Variants in BNC2 observed in about 807,000 individuals in gnomAD.
BNC2 encodes basonuclin zinc finger protein 2, also known as zinc finger protein basonuclin-2.
BNC2 carries 20 observed loss-of-function variants against 76.3 expected under a neutral mutation model. The observed-to-expected ratio is 0.26, with a 90% CI of 0.18 to 0.38. BNC2 has a LOEUF of 0.38. Among genes scored for constraint, BNC2 ranks in the 10% least tolerant of loss-of-function variants. BNC2 has a pLI of 1.00. For missense variants in BNC2, 1,382 were observed against 1,399.8 expected (o/e 0.99, Z 0.20); for synonymous variants, 582 against 514.8 (o/e 1.13, Z -1.77).
At chr9:16,786,135 T>C (rs1252966452) in intron 1 of BNC2, among the ~76,000 whole-genome samples, 1 of 152,176 alleles carries the variant, frequency 6.6e-6, no homozygotes, top group Non-Finnish European at 1.5e-5. Flanking sequence ...ATTACTCTTC[T>C]AAGAATCTCA....
At chr9:16,756,850 G>T (rs544679716) in intron 1 of BNC2, among the ~76,000 whole-genome samples, 61 of 152,018 alleles carry the variant, frequency 4.0e-4, no homozygotes, top group Non-Finnish European at 8.5e-4. Flanking sequence ...AATTAACCGG[G>T]CATGGTGGCA....
At chr9:16,499,019 A>G (rs893905880) in intron 5 of BNC2, among the ~76,000 whole-genome samples, 1 of 151,262 alleles carries the variant, frequency 6.6e-6, no homozygotes, top group East Asian at 1.9e-4. Context: ...CAATTACTAT[A>G]CCTGCCATAA....
At chr9:16,859,789 T>A (rs1444537608) in intron 1 of BNC2, among the ~76,000 whole-genome samples, 1 of 152,196 alleles carries the variant, frequency 6.6e-6, no homozygotes. Flanking sequence ...TGCTGTACGT[T>A]AAGTTACAGA....
In BNC2 at chr9:16,844,493, CTTTT is replaced by C. The variant is rs67281132; in HGVS notation, c.3+26149_3+26152del. ...GTATTTTTACGAATATTTTTCTTTT[CTTTT>C]TTTTTTTTTTTTTTTTTTGAGACGG... On this transcript the variant is annotated intron_variant, in intron 1 of 6. Transcript: ENST00000380672. Among the ~76,000 whole-genome samples, 4 of 103,362 alleles carry C rather than the reference CTTTT, an allele frequency of 3.9e-5. 1 individual carries two copies. Among genetic ancestry groups the C allele is most frequent in the African/African-American group, 1.1e-4 (3 of 26,244 alleles). The allele number at this position is 103,362 out of a possible 152,430, so 67.8% of individuals were successfully genotyped here.
rs544627974 is a variant in BNC2, at chr9:16,789,642, T to C, written c.4-51157A>G. ...CAGGCTATGTGTTTGATAGGTGTCC[T>C]CTTGGCTCTTACAATGCCTGGTGTT... is the stretch of plus-strand genomic sequence containing the variant. On this transcript the variant is annotated intron_variant, in intron 1 of 6. Transcript: ENST00000380672. Among the ~76,000 whole-genome samples the C allele has an allele frequency of 3.3e-5, 5 of 152,340 alleles. No homozygotes were observed. The South Asian group carries it at 6.2e-4, about 19-fold the overall frequency.
At chr9:16,548,719 G>A (rs1818565822) in intron 5 of BNC2, among the ~76,000 whole-genome samples, 1 of 152,118 alleles carries the variant, frequency 6.6e-6, no homozygotes, top group South Asian at 2.1e-4. Context: ...TTATTCTTTA[G>A]TAGTAGAAAA....
chr9:16,850,445 T>C (rs1292894649), intron 1 of BNC2, among the ~76,000 whole-genome samples: 1 of 152,230 alleles, frequency 6.6e-6, no homozygotes, highest in Non-Finnish European at 1.5e-5. Flanking sequence ...GTCAAAATTG[T>C]CAGCTTAAGA....
intron 3 of BNC2, among the ~76,000 whole-genome samples, chr9:16,625,354 G>T (rs1036168144): frequency 6.6e-6 from 1 of 152,188 alleles, no homozygotes; most frequent in Non-Finnish European, 1.5e-5. Flanking sequence ...CTCCCAACTG[G>T]CAGGGCCACC....
chr9:16,548,684 C>T (rs758722927), intron 5 of BNC2, among the ~76,000 whole-genome samples: 2 of 152,142 alleles, frequency 1.3e-5, no homozygotes, highest in Non-Finnish European at 2.9e-5. Context: ...GGATTACAGG[C>T]GTGAGCCACC....
chr9:16,857,779 G>C (rs967791153), intron 1 of BNC2, among the ~76,000 whole-genome samples: 1 of 152,148 alleles, frequency 6.6e-6, no homozygotes, highest in African/African-American at 2.4e-5. Context: ...TGGTCCATCA[G>C]AATACTAGAA....
At chr9:16,859,182 CAA>C (rs56265005) in intron 1 of BNC2, among the ~76,000 whole-genome samples, 53 of 147,626 alleles carry the variant, frequency 3.6e-4, no homozygotes, top group East Asian at 1.4e-3. Context: ...TGGTTACCAT[CAA>C]AAAAAAAAAA....
At chr9:16,830,729 G>A (rs1274272638) in intron 1 of BNC2, among the ~76,000 whole-genome samples, 1 of 152,136 alleles carries the variant, frequency 6.6e-6, no homozygotes, top group African/African-American at 2.4e-5. Flanking sequence ...GATTCTGAAA[G>A]TAGATCACCA....
chr9:16,810,349 C>T (rs11788776), intron 1 of BNC2, among the ~76,000 whole-genome samples: 67,276 of 151,988 alleles, frequency 0.44, 16,207 homozygotes, highest in Non-Finnish European at 0.55. Flanking sequence ...CTGCCTTTGT[C>T]TTCAGCCTTG....
intron 1 of BNC2, among the ~76,000 whole-genome samples, chr9:16,870,171 G>C (rs1434665250): frequency 6.8e-6 from 1 of 146,362 alleles, no homozygotes; most frequent in African/African-American, 2.6e-5. Flanking sequence ...CGGCACCCAC[G>C]CCCAGCCGCC....
chr9:16,678,997 G>T (rs1259893944), intron 3 of BNC2, among the ~76,000 whole-genome samples: 1 of 152,062 alleles, frequency 6.6e-6, no homozygotes, highest in East Asian at 1.9e-4. Context: ...AACATGGATG[G>T]GCCCAAAGTG....
intron 1 of BNC2, among the ~76,000 whole-genome samples, chr9:16,823,258 G>C (rs1372050672): frequency 2.0e-5 from 3 of 152,014 alleles, no homozygotes. Flanking sequence ...AAGTAGAAAA[G>C]TTTATAGGTC....
At chr9:16,665,495 A>AAAGG (rs1822264165) in intron 3 of BNC2, among the ~76,000 whole-genome samples, 1 of 151,314 alleles carries the variant, frequency 6.6e-6, no homozygotes, top group African/African-American at 2.4e-5. Flanking sequence ...AGAAAGAGAG[A>AAAGG]GAGAGAAATC....
chr9:16,615,099 A>C lies in BNC2; in HGVS notation c.331-32014T>G, dbSNP rs949986881. Among the ~76,000 whole-genome samples the C allele has an allele frequency of 2.0e-5, 3 of 152,052 alleles. No individual in the cohort carries two copies. In the South Asian group the frequency reaches 6.2e-4, roughly 32 times the overall value. ...GCAACATTTACTGCTAAGCACAAGGAACACTGCTTGCAAGAGTGAGGATAC... is the reference window on the plus strand; with the variant it reads ...GCAACATTTACTGCTAAGCACAAGGCACACTGCTTGCAAGAGTGAGGATAC... On this transcript the variant is annotated intron_variant, in intron 3 of 6. Transcript: ENST00000380672.
chr9:16,659,253 C>G (rs191375324), intron 3 of BNC2, among the ~76,000 whole-genome samples: 1 of 152,126 alleles, frequency 6.6e-6, no homozygotes, highest in Non-Finnish European at 1.5e-5. Flanking sequence ...AAGGGCTCTC[C>G]GTTTCATCGT....
Sources: gnomAD v4.1 joint callset for allele counts (sites outside exome capture counted in the v4.1 genomes callset) on GRCh38, gnomAD v4.1.1 for gene constraint, MANE v1.5 for transcripts, NCBI Gene and HGNC (gene_info 2026-07-23, HGNC 2026-07-21) for gene names.